POU6F2: variants seen among roughly 807,000 people sequenced by gnomAD.
POU6F2 encodes POU class 6 homeobox 2.
In POU6F2, 31 loss-of-function variants were observed where a neutral mutation model predicts 71.3. The ratio of observed to expected loss-of-function variants is 0.43; its 90% CI spans 0.33 to 0.59. The LOEUF is 0.59. POU6F2 is among the 20% of genes least tolerant of loss of function. POU6F2 has a pLI of 0.04. For missense variants in POU6F2, 783 were observed against 856.8 expected, an observed-to-expected ratio of 0.91 and a Z score of 1.07; for synonymous variants, 347 against 355.7, an observed-to-expected ratio of 0.98 and a Z score of 0.27.
At chr7:39,437,504 T>G (rs1788276478) in intron 7 of POU6F2, among the ~76,000 whole-genome samples, 1 of 152,204 alleles carries the variant, frequency 6.6e-6, no homozygotes, top group African/African-American at 2.4e-5. Flanking sequence ...TGTTTGATTC[T>G]TCTCTTTTTT....
chr7:39,355,686 C>T (rs1441755733), intron 5 of POU6F2, among the ~76,000 whole-genome samples: 4 of 152,120 alleles, frequency 2.6e-5, no homozygotes, highest in African/African-American at 9.7e-5. Flanking sequence ...CCAGCCTTCG[C>T]CCACACACAC....
At chr7:39,187,244 AGCCT>A (rs1200737748) in intron 2 of POU6F2, among the ~76,000 whole-genome samples, 1 of 152,208 alleles carries the variant, frequency 6.6e-6, no homozygotes, top group Admixed American at 6.5e-5. Context: ...CCGCCCTCAG[AGCCT>A]GTGCTCCTCG....
rs1298843963 is a variant in POU6F2, at chr7:39,467,388, T to C, written c.*2702T>C. ...TATGATGACATTTCTCATGTCTACT[T>C]GTAAACAACTTCATATGCCAATGGC... On this transcript the variant is annotated 3_prime_UTR_variant, in exon 10 of 10. Transcript: ENST00000518318. 1 of 152,216 alleles carries C rather than the reference T, an allele frequency of 6.6e-6. No individual in the cohort carries two copies. Among genetic ancestry groups the C allele is most frequent in the African/African-American group, 2.4e-5 (1 of 41,452 alleles). The allele number at this position is 152,216 out of a possible 1,614,324, so 9.4% of individuals were successfully genotyped here.
At chr7:39,350,979 C>T (rs1382884119) in intron 5 of POU6F2, among the ~76,000 whole-genome samples, 1 of 152,214 alleles carries the variant, frequency 6.6e-6, no homozygotes, top group East Asian at 1.9e-4. Flanking sequence ...CTGGGAACAC[C>T]TGAGGAGTTT....
intron 7 of POU6F2, among the ~76,000 whole-genome samples, chr7:39,433,603 C>T (rs1042462389): frequency 3.9e-5 from 6 of 151,978 alleles, no homozygotes; most frequent in African/African-American, 1.4e-4. Context: ...AAAATGAGGT[C>T]AAAAAGAAAC....
intron 4 of POU6F2, among the ~76,000 whole-genome samples, chr7:39,276,643 G>T (rs1784444903): frequency 6.6e-6 from 1 of 151,756 alleles, no homozygotes; most frequent in Non-Finnish European, 1.5e-5. Context: ...CAAAGACTTG[G>T]ACCCAACCCA....
At chr7:39,085,821 T>A (rs1352221239) in intron 1 of POU6F2, 39 bp from the exon 2 acceptor site, 1 of 1,573,052 alleles carries the variant, frequency 6.4e-7, no homozygotes, top group Admixed American at 1.8e-5. Context: ...AATCTGCCAC[T>A]TTTTTTTTCC....
chr7:39,064,533 T>A (rs1392003616), intron 1 of POU6F2, among the ~76,000 whole-genome samples: 3 of 151,486 alleles, frequency 2.0e-5, no homozygotes, highest in Non-Finnish European at 4.4e-5. Context: ...TGAAGCAGAA[T>A]GACAGAAAAT....
intron 4 of POU6F2, among the ~76,000 whole-genome samples, chr7:39,313,833 ATTATC>A (rs1449157595): frequency 2.6e-5 from 4 of 152,206 alleles, no homozygotes; most frequent in Non-Finnish European, 5.9e-5. Flanking sequence ...TTTCAAGAAA[ATTATC>A]TTAGCGTCAG....
chr7:39,262,400 C>G lies in POU6F2; in HGVS notation c.598+54780C>G, dbSNP rs1784153602. ...AAGTCCCAGCAGATGCTTACTGGAA[C>G]TCAGTTTTATATCCATTTTCTTTTT... On this transcript the variant is annotated intron_variant, in intron 4 of 9. Transcript: ENST00000518318. 2.0e-5 allele frequency among the ~76,000 whole-genome samples: 3 copies of G among 152,274 alleles called. No homozygotes were observed. The South Asian group carries it at 6.2e-4, about 32-fold the overall frequency.
At chr7:39,306,049 C>T (rs1258336433) in intron 4 of POU6F2, among the ~76,000 whole-genome samples, 2 of 151,996 alleles carry the variant, frequency 1.3e-5, no homozygotes, top group African/African-American at 4.8e-5. Context: ...GAGAAACATT[C>T]CATTTGCAAA....
chr7:39,102,915 G>C (rs1584543574), intron 2 of POU6F2, among the ~76,000 whole-genome samples: 1 of 152,172 alleles, frequency 6.6e-6, no homozygotes, highest in East Asian at 1.9e-4. Context: ...GTGTGTTTAA[G>C]CATAGAAAAC....
At chr7:39,258,051 C>G (rs1397140948) in intron 4 of POU6F2, among the ~76,000 whole-genome samples, 6 of 152,098 alleles carry the variant, frequency 3.9e-5, no homozygotes, top group African/African-American at 1.4e-4. Flanking sequence ...TGCAAGATTA[C>G]CTGGGGAGAA....
intron 5 of POU6F2, among the ~76,000 whole-genome samples, chr7:39,382,799 A>G (rs1786855649): frequency 6.6e-6 from 1 of 152,186 alleles, no homozygotes; most frequent in Non-Finnish European, 1.5e-5. Context: ...CTGACGGGCA[A>G]AGCTCCTCAG....
At chr7:39,458,429 A>G (rs1583620581) in intron 8 of POU6F2, among the ~76,000 whole-genome samples, 2 of 152,166 alleles carry the variant, frequency 1.3e-5, no homozygotes, top group South Asian at 4.2e-4. Context: ...TTTTATTTGC[A>G]CACTGCTCAT....
chr7:39,391,250 G>C (rs1787070294), intron 5 of POU6F2, among the ~76,000 whole-genome samples: 1 of 151,902 alleles, frequency 6.6e-6, no homozygotes, highest in South Asian at 2.1e-4. Flanking sequence ...TCTTAGAAAA[G>C]TAAACATGTT....
chr7:39,185,339 C>T (rs10215698), intron 2 of POU6F2, among the ~76,000 whole-genome samples: 4,509 of 152,198 alleles, frequency 0.03, 223 homozygotes, highest in African/African-American at 0.1. Context: ...CTCCCTCCCA[C>T]CATAACATGA....
At chr7:39,053,128 C>T (rs1049478932) in intron 1 of POU6F2, among the ~76,000 whole-genome samples, 1 of 152,054 alleles carries the variant, frequency 6.6e-6, no homozygotes, top group African/African-American at 2.4e-5. Flanking sequence ...ATGATGAAAA[C>T]CCCTTTAAGA....
intron 4 of POU6F2, among the ~76,000 whole-genome samples, chr7:39,308,981 C>G (rs923864112): frequency 6.6e-6 from 1 of 152,258 alleles, no homozygotes; most frequent in Non-Finnish European, 1.5e-5. Flanking sequence ...CGCAGCCACA[C>G]GCAGAGACAC....
Sources: allele counts gnomAD v4.1 joint callset (sites outside exome capture counted in the v4.1 genomes callset), GRCh38; gene constraint gnomAD v4.1.1; transcripts MANE v1.5; gene names NCBI Gene and HGNC (gene_info 2026-07-23, HGNC 2026-07-21).